Variants in BDP1 observed in about 807,000 individuals in gnomAD.
BDP1 encodes transcription factor TFIIIB component B'' homolog.
A neutral mutation model predicts 266.6 loss-of-function variants in BDP1; 169 were observed. That is an observed-to-expected ratio of 0.63 (90% CI 0.56 to 0.72). BDP1 has a LOEUF of 0.72. Among genes scored for constraint, BDP1 ranks in the 30% least tolerant of loss-of-function variants. The pLI is 0.00. For missense variants in BDP1, 3,015 were observed against 3,053.8 expected (o/e 0.99, Z 0.30); for synonymous variants, 1,090 against 1,022.4 (o/e 1.07, Z -1.26).
intron 7 of BDP1, among the ~76,000 whole-genome samples, chr5:71,483,183 C>T (rs1442209527): frequency 6.6e-6 from 1 of 152,036 alleles, no homozygotes; most frequent in Non-Finnish European, 1.5e-5. Context: ...GAAACATTGG[C>T]TGTTTGTTTC....
chr5:71,560,292 C>T, intron 37 of BDP1, 55 bp downstream of exon 37: 1 of 1,551,828 alleles, frequency 6.4e-7, no homozygotes, highest in South Asian at 1.2e-5. Flanking sequence ...ATAAATATAA[C>T]CTATACAGAA....
At chr5:71,500,416 C>T (rs980861261) in intron 13 of BDP1, among the ~76,000 whole-genome samples, 2 of 147,414 alleles carry the variant, frequency 1.4e-5, no homozygotes, top group African/African-American at 5.1e-5. Flanking sequence ...CCTCCGCCTC[C>T]TGGGTTCAGG....
chr5:71,510,946 C>G lies in BDP1; in HGVS notation c.3854C>G (p.Thr1285Ser). The G allele has an allele frequency of 6.2e-7, 1 of 1,614,024 alleles. No individual in the cohort carries two copies. ...VEEMEADLKE[T>S]GKENFRERGS... is the part of the protein sequence containing the mutation. ...GAAATGGAGGCAGATTTGAAAGAAACTGGAAAAGAAAATTTTAGAGAGAGA... is the reference window on the plus strand; with the variant it reads ...GAAATGGAGGCAGATTTGAAAGAAAGTGGAAAAGAAAATTTTAGAGAGAGA... The change falls in exon 17 of 39, where the codon ACT becomes AGT. Residue 1285 changes from threonine to serine, a missense_variant. Thr to Ser is a moderately conservative substitution (Grantham distance 58). Around this residue, in one of 3 missense-constraint regions of BDP1, gnomAD observed 2,383 missense variants for 2,404.9 expected, o/e 0.99. Coordinates refer to ENST00000358731, the MANE Select transcript of BDP1 (RefSeq NM_018429.3).
intron 7 of BDP1, among the ~76,000 whole-genome samples, chr5:71,481,146 C>G (rs1762936351): frequency 6.6e-6 from 1 of 151,530 alleles, no homozygotes; most frequent in Non-Finnish European, 1.5e-5. Context: ...TGCGCTCCAG[C>G]CTGTGAGACA....
chr5:71,460,409 T>C (rs370043033), intron 2 of BDP1, among the ~76,000 whole-genome samples: 1 of 152,044 alleles, frequency 6.6e-6, no homozygotes, highest in East Asian at 1.9e-4. Context: ...AAAAAACTAG[T>C]GTCATGAAAA....
chr5:71,468,668 G>A (rs1168797303), intron 6 of BDP1, among the ~76,000 whole-genome samples: 1 of 147,014 alleles, frequency 6.8e-6, no homozygotes, highest in Non-Finnish European at 1.5e-5. Context: ...GTGCGGTGGC[G>A]CGATCTCGGC....
rs1428204720 is a variant in BDP1, at chr5:71,502,624, G to A, written c.2074G>A (p.Glu692Lys). Residue 692 changes from glutamate (E) to lysine (K), a missense_variant, in exon 15 of 39, where the codon GAA becomes AAA. Coordinates refer to ENST00000358731, the MANE Select transcript of BDP1 (RefSeq NM_018429.3). ...TTTGGGTGAAAAAAATTGTCTGCAG[G>A]AAGGGAGTCAACTAAAGGCTTTAAG... is the stretch of plus-strand genomic sequence containing the variant. ...SVLGEKNCLQEGSQLKALRPV... is the reference protein window; with the variant it reads ...SVLGEKNCLQKGSQLKALRPV... 2.5e-6 allele frequency: 4 copies of A among 1,601,760 alleles called. No homozygotes were observed. In the Admixed American group the frequency reaches 5.3e-5, roughly 21 times the overall value.
chr5:71,574,607 A>G, the BDP1 span, among the ~76,000 whole-genome samples: 1 of 152,248 alleles, frequency 6.6e-6, no homozygotes, highest in African/African-American at 2.4e-5. Context: ...ACATGGGACT[A>G]ATTTTAGGCA....
At chr5:71,539,690 T>A in intron 28 of BDP1, 41 bp downstream of exon 28, 1 of 1,405,574 alleles carries the variant, frequency 7.1e-7, no homozygotes, top group Non-Finnish European at 9.9e-7. Context: ...TAGAAACTTT[T>A]AAAACCTAAC....
In BDP1 at chr5:71,514,930, T is replaced by C; in HGVS notation, c.4471-14T>C. 6.4e-7 allele frequency: 1 copy of C among 1,571,742 alleles called. No homozygotes were observed. Among genetic ancestry groups the C allele is most frequent in the Non-Finnish European group, 8.6e-7 (1 of 1,164,552 alleles). ...TTTAGCAACTGTGAATGAAATTTTT[T>C]TTCTGTCTTCTAGGATGAAGCTTCC... On this transcript the variant is annotated splice_polypyrimidine_tract_variant and intron_variant, in intron 19 of 38. Transcript: ENST00000358731.
chr5:71,522,511 A>T (rs1341074599), intron 23 of BDP1, 21 bp downstream of exon 23: 6 of 1,573,076 alleles, frequency 3.8e-6, no homozygotes, highest in Non-Finnish European at 5.1e-6. Context: ...GCAAAAAAAA[A>T]AAAAAAATTT....
intron 7 of BDP1, among the ~76,000 whole-genome samples, chr5:71,475,200 T>C (rs1762510015): frequency 6.6e-6 from 1 of 152,142 alleles, no homozygotes; most frequent in African/African-American, 2.4e-5. Flanking sequence ...TCTTACCTGC[T>C]GGGCTCAAAT....
intron 20 of BDP1, among the ~76,000 whole-genome samples, chr5:71,515,485 A>T (rs1485468487): frequency 6.6e-6 from 1 of 152,180 alleles, no homozygotes; most frequent in Non-Finnish European, 1.5e-5. Flanking sequence ...CAAAGTAGGG[A>T]TGCTCAACTG....
chr5:71,554,035 C>G (rs1743048715), intron 35 of BDP1, among the ~76,000 whole-genome samples: 1 of 152,188 alleles, frequency 6.6e-6, no homozygotes, highest in South Asian at 2.1e-4. Context: ...TTATACTCAT[C>G]TAGTACTCAT....
rs776705030 is a variant in BDP1, at chr5:71,560,226, C to T, written c.7485C>T (p.Ala2495=). The part of the protein sequence containing the change: ...QMDSRTSSSK[A]SLSRPGRRPL... ...ATAGCAGAACATCGTCTTCTAAAGCCTCACTATCCAGGTATCATGAACAAA... is the reference window on the plus strand; with the variant it reads ...ATAGCAGAACATCGTCTTCTAAAGCTTCACTATCCAGGTATCATGAACAAA... Residue 2495 remains alanine (A), a synonymous_variant, in exon 37 of 39, where the codon GCC becomes GCT. Coordinates refer to ENST00000358731, the MANE Select transcript of BDP1 (RefSeq NM_018429.3). 6.2e-7 allele frequency: 1 copy of T among 1,613,852 alleles called. No homozygotes were observed. Among genetic ancestry groups the T allele is most frequent in the African/African-American group, 1.3e-5 (1 of 74,920 alleles).
chr5:71,544,156 A>G (rs543579677), intron 30 of BDP1, among the ~76,000 whole-genome samples: 1 of 152,184 alleles, frequency 6.6e-6, no homozygotes, highest in Non-Finnish European at 1.5e-5. Flanking sequence ...GTAGAACAGG[A>G]TTTATTAATC....
chr5:71,456,396 G>A (rs1761191794), intron 1 of BDP1, among the ~76,000 whole-genome samples: 1 of 152,188 alleles, frequency 6.6e-6, no homozygotes. Flanking sequence ...TGAGAATTTA[G>A]GTCACTATAG....
At chr5:71,538,723 T>C (rs1487839470) in intron 26 of BDP1, among the ~76,000 whole-genome samples, 1 of 152,172 alleles carries the variant, frequency 6.6e-6, no homozygotes, top group Non-Finnish European at 1.5e-5. Context: ...TGGCAGCAGA[T>C]ATGACTAGAG....
At chr5:71,493,678 T>G (rs1009552848) in intron 11 of BDP1, among the ~76,000 whole-genome samples, 3 of 152,212 alleles carry the variant, frequency 2.0e-5, no homozygotes, top group African/African-American at 7.2e-5. Flanking sequence ...ACACCAACTT[T>G]GCAGAGGGAC....
Sources: allele counts gnomAD v4.1 joint callset (sites outside exome capture counted in the v4.1 genomes callset), GRCh38; gene constraint gnomAD v4.1.1; regional missense constraint gnomAD v4.1.1; transcripts MANE v1.5; gene names NCBI Gene and HGNC (gene_info 2026-07-23, HGNC 2026-07-21).